ZNF738: variants seen among roughly 807,000 people sequenced by gnomAD.
ZNF738 encodes protein ZNF738.
Under a neutral mutation model 9.2 loss-of-function variants are expected in ZNF738, and 10 were observed. The ratio of observed to expected loss-of-function variants is 1.09; its 90% confidence interval spans 0.67 to 1.85. The LOEUF (loss-of-function observed/expected upper bound fraction) is 1.85, where lower values mean the gene tolerates loss of function less well. ZNF738 is among the 40% of genes most tolerant of loss of function. The pLI is 0.00. For synonymous variants in ZNF738, 113 were observed against 94.5 expected (o/e 1.20, Z -1.14); for missense variants, 346 against 283.6 (o/e 1.22, Z -1.58).
intron 2 of ZNF738, among the ~76,000 whole-genome samples, chr19:21,369,671 C>T (rs1347815875): frequency 6.6e-6 from 1 of 152,172 alleles, no homozygotes; most frequent in Non-Finnish European, 1.5e-5. Flanking sequence ...TGTCAAAGAT[C>T]AGATGGTTGG....
At chr19:21,362,205 G>C (rs952986002) in intron 2 of ZNF738, among the ~76,000 whole-genome samples, 2 of 151,984 alleles carry the variant, frequency 1.3e-5, no homozygotes, top group African/African-American at 4.8e-5. Flanking sequence ...TCAGATGCTG[G>C]TAATGAGGAA....
chr19:21,362,007 G>A (rs1174506205), intron 2 of ZNF738, 149 bp downstream of exon 2: 6 of 533,176 alleles, frequency 1.1e-5, no homozygotes, highest in East Asian at 6.6e-5. Context: ...ACTTGATCCC[G>A]GGAGGCAGAG....
chr19:21,370,950 C>A (rs1337099996), intron 2 of ZNF738, among the ~76,000 whole-genome samples: 1 of 152,114 alleles, frequency 6.6e-6, no homozygotes, highest in African/African-American at 2.4e-5. Context: ...AATCTTAAAG[C>A]CCCCATTTGA....
In ZNF738 at chr19:21,359,037, A is replaced by G. The variant is rs1242254011; in HGVS notation, c.-104A>G. On this transcript the variant is annotated 5_prime_UTR_variant, in exon 1 of 5. Transcript: ENST00000683779. ...CGCTGGAACTCCGGGTCTCGTCTTC[A>G]CTGCTCTGTGTCCTCTGCTCCTAGA... is the stretch of plus-strand genomic sequence containing the variant. The G allele has an allele frequency of 1.2e-5, 10 of 807,502 alleles. No individual in the cohort carries two copies. The highest frequency in any genetic ancestry group is 3.4e-5 in the African/African-American group (2 of 59,332). 50.0% of individuals were successfully genotyped at this position (807,502 alleles called of 1,614,324 possible).
At chr19:21,367,377 A>C (rs1334966845) in intron 2 of ZNF738, among the ~76,000 whole-genome samples, 3 of 152,184 alleles carry the variant, frequency 2.0e-5, no homozygotes, top group African/African-American at 7.2e-5. Context: ...ACAGTAGCTC[A>C]GACACATAGA....
rs1302268732 is a variant in ZNF738 at position 21,384,401 on chromosome 19, T to C, written c.*727T>C. ...TTACTAAACATAAGAGAATTCATAATGGAGAGAAACCCTACAAATGTTTAG... is the reference window on the plus strand; with the variant it reads ...TTACTAAACATAAGAGAATTCATAACGGAGAGAAACCCTACAAATGTTTAG... On this transcript the variant is annotated 3_prime_UTR_variant, in exon 5 of 5. Coordinates refer to ENST00000683779, the MANE Select transcript of ZNF738 (RefSeq NM_001355237.2). Among the ~76,000 whole-genome samples, 1 of 152,186 alleles carries C rather than the reference T, an allele frequency of 6.6e-6. No individual in the cohort carries two copies.
chr19:21,362,887 G>A (rs151317195), intron 2 of ZNF738, among the ~76,000 whole-genome samples: 27 of 152,182 alleles, frequency 1.8e-4, no homozygotes, highest in African/African-American at 6.5e-4. Context: ...CATTTTTGCC[G>A]TAGAAAATGA....
intron 1 of ZNF738, 89 bp downstream of exon 1, chr19:21,359,232 G>A (rs116699966): frequency 5.6e-6 from 5 of 886,174 alleles, no homozygotes; most frequent in Non-Finnish European, 9.7e-6. Flanking sequence ...AGGCCTCCCC[G>A]CAGTCAGCTC....
In ZNF738 at chr19:21,383,520, T is replaced by C; in HGVS notation, c.974T>C (p.Phe325Ser). 1.1e-6 allele frequency: 1 copy of C among 920,478 alleles called. No individual in the cohort carries two copies. The highest frequency in any genetic ancestry group is 1.3e-5 in the South Asian group (1 of 77,366). 57.0% of individuals were successfully genotyped at this position (920,478 alleles called of 1,614,324 possible). ...AAATGTGAAGGATGTGGCAAAGCTT[T>C]CTGCCAATTCTCATACCTTACTAAA... ...PYKCEGCGKA[F>S]CQFSYLTKHK... Residue 325 changes from phenylalanine (F) to serine (S), a missense_variant, in exon 5 of 5, where the codon TTC becomes TCC. By Grantham distance (155) the Phe-to-Ser change is radical (BLOSUM62 -2). Coordinates refer to ENST00000683779, the MANE Select transcript of ZNF738 (RefSeq NM_001355237.2).
At chr19:21,361,650 G>GT in intron 1 of ZNF738, 116 bp from the exon 2 acceptor site, 1 of 699,602 alleles carries the variant, frequency 1.4e-6, no homozygotes. Flanking sequence ...CCACCGTTTA[G>GT]TTTTTTCCCG....
intron 4 of ZNF738, chr19:21,377,712 A>G (rs1973950211): frequency 2.7e-6 from 1 of 376,100 alleles, no homozygotes; most frequent in Non-Finnish European, 4.7e-6. Flanking sequence ...TTTGCATGCA[A>G]TGTCTAAATC....
At chr19:21,364,762 T>TGG (rs1568366579) in intron 2 of ZNF738, among the ~76,000 whole-genome samples, 1 of 128,622 alleles carries the variant, frequency 7.8e-6, no homozygotes, top group African/African-American at 2.8e-5. Flanking sequence ...TTTTTTTTTT[T>TGG]TTGAGAGGGA....
intron 4 of ZNF738, chr19:21,381,075 C>A: frequency 1.6e-6 from 1 of 638,550 alleles, no homozygotes. Context: ...ATCTAACACA[C>A]TAGCTTCATT....
At chr19:21,365,948 C>G (rs1357383275) in intron 2 of ZNF738, among the ~76,000 whole-genome samples, 1 of 117,382 alleles carries the variant, frequency 8.5e-6, no homozygotes, top group Non-Finnish European at 1.8e-5. Flanking sequence ...CAGAGGGAGA[C>G]TCCATCTCAA....
intron 2 of ZNF738, chr19:21,372,541 T>G (rs1168935457): frequency 2.6e-5 from 4 of 152,212 alleles, no homozygotes; most frequent in Middle Eastern, 3.2e-3. Flanking sequence ...AAGATCTTAA[T>G]TTTTAAATTT....
chr19:21,368,945 C>T (rs1047258051), intron 2 of ZNF738, among the ~76,000 whole-genome samples: 1 of 152,108 alleles, frequency 6.6e-6, no homozygotes, highest in Non-Finnish European at 1.5e-5. Context: ...AGTATATTGG[C>T]CAGGCTGGTC....
intron 4 of ZNF738, among the ~76,000 whole-genome samples, chr19:21,376,754 G>T (rs1194944316): frequency 2.6e-5 from 4 of 151,978 alleles, no homozygotes; most frequent in Non-Finnish European, 5.9e-5. Context: ...TTAAAAAATT[G>T]GATTTTTAGT....
chr19:21,383,846 C>A lies in ZNF738; in HGVS notation c.*172C>A. 2 of 1,342,854 alleles carry A rather than the reference C, an allele frequency of 1.5e-6. No individual in the cohort carries two copies. The highest frequency in any genetic ancestry group is 2.1e-6 in the Non-Finnish European group (2 of 939,832). The allele number at this position is 1,342,854 out of a possible 1,614,324, so 83.2% of individuals were successfully genotyped here. On this transcript the variant is annotated 3_prime_UTR_variant, in exon 5 of 5. Coordinates refer to ENST00000683779, the MANE Select transcript of ZNF738 (RefSeq NM_001355237.2). The stretch of plus-strand genomic sequence containing the variant: ...AACCCTACAAATGTGGAGAATGTGG[C>A]AAAGCTTTCTTCAGATTCTCATACC...
At chr19:21,375,777 T>C (rs1973919567) in intron 3 of ZNF738, 92 bp from the exon 4 acceptor site, 11 of 564,840 alleles carry the variant, frequency 1.9e-5, no homozygotes, top group Non-Finnish European at 3.3e-5. Flanking sequence ...TTTTCTAGAA[T>C]ATTCTATTAC....
Sources: allele counts gnomAD v4.1 joint callset (sites outside exome capture counted in the v4.1 genomes callset), GRCh38; gene constraint gnomAD v4.1.1; transcripts MANE v1.5; gene names NCBI Gene and HGNC (gene_info 2026-07-23, HGNC 2026-07-21).